Variants in GPC4 observed in about 807,000 individuals in gnomAD.
GPC4 encodes the protein glypican-4.
Under a neutral mutation model 35.0 loss-of-function variants are expected in GPC4, and 10 were observed. The ratio of observed to expected loss-of-function variants is 0.29; its 90% CI spans 0.18 to 0.48. The LOEUF is 0.48. Ranked by LOEUF, GPC4 falls within the 20% of genes least tolerant of loss-of-function variation. The probability of loss-of-function intolerance (pLI) is 0.99; values close to 1 mark genes in which losing one functional copy is unlikely to be tolerated. For missense variants in GPC4, 322 were observed against 451.3 expected (o/e 0.71, Z 2.60); for synonymous variants, 167 against 170.2 (o/e 0.98, Z 0.15).
At chrX:133,386,946 A>G (rs1233993653) in intron 1 of GPC4, among the ~76,000 whole-genome samples, 1 of 111,670 alleles carries the variant, frequency 9.0e-6, no homozygotes, top group African/African-American at 3.3e-5. Context: ...CCAGAAGCCC[A>G]TAGTCCCTCC....
chrX:133,387,085 C>T (rs1603091844), intron 1 of GPC4, among the ~76,000 whole-genome samples: 1 of 112,044 alleles, frequency 8.9e-6, no homozygotes, highest in Admixed American at 9.5e-5. Flanking sequence ...CCTGTGCTGA[C>T]ATGGGATTCA....
intron 1 of GPC4, among the ~76,000 whole-genome samples, chrX:133,344,191 G>GTTTTTTTTTTTTTTTTTTTTTTTTTT (rs747976050): frequency 7.7e-5 from 3 of 38,891 alleles, no homozygotes; most frequent in African/African-American, 1.5e-4. Flanking sequence ...TTTCTTTCTG[G>GTTTTTTTTTTTTTTTTTTTTTTTTTT]TTTTTTTTTT....
intron 7 of GPC4, 131 bp from the exon 8 acceptor site, chrX:133,303,472 C>T (rs928072691): frequency 1.8e-5 from 9 of 499,895 alleles, no homozygotes; most frequent in East Asian, 1.1e-4. Context: ...AATACTTCTG[C>T]TAGATTCTAG....
intron 1 of GPC4, among the ~76,000 whole-genome samples, chrX:133,389,147 C>T (rs1357854900): frequency 9.2e-6 from 1 of 109,138 alleles, no homozygotes; most frequent in African/African-American, 3.4e-5. Context: ...TCAGTAGAGA[C>T]AGGGTTTCAT....
In GPC4 at chrX:133,324,549, CCAAAAA is replaced by C; in HGVS notation, c.320-19_320-14del. The C allele has an allele frequency of 1.3e-6, 1 of 794,752 alleles. No homozygotes were observed. Among genetic ancestry groups the C allele is most frequent in the Non-Finnish European group, 1.6e-6 (1 of 640,293 alleles). The allele number at this position is 794,752 out of a possible 1,213,427, so 65.5% of individuals were successfully genotyped here. On this transcript the variant is annotated splice_polypyrimidine_tract_variant and intron_variant, in intron 2 of 8. Transcript: ENST00000370828. ...TCTTTGAAGAATTCTGAAACCAACA[CCAAAAA>C]AAAAAAAAAAAAAAGGAAAAACGAG... is the stretch of plus-strand genomic sequence containing the variant.
chrX:133,403,182 A>G (rs2068773683), intron 1 of GPC4, among the ~76,000 whole-genome samples: 1 of 112,034 alleles, frequency 8.9e-6, no homozygotes, highest in Non-Finnish European at 1.9e-5. Flanking sequence ...TAAATGAGAT[A>G]GCTTAAAATA....
At chrX:133,361,878 C>CA (rs1196742027) in intron 1 of GPC4, among the ~76,000 whole-genome samples, 2 of 110,906 alleles carry the variant, frequency 1.8e-5, no homozygotes, top group African/African-American at 3.3e-5. Context: ...AAAAAAACTC[C>CA]AAAACAAATT....
intron 2 of GPC4, among the ~76,000 whole-genome samples, chrX:133,336,192 C>T (rs1021030272): frequency 9.0e-6 from 1 of 111,663 alleles, no homozygotes; most frequent in South Asian, 3.8e-4. Flanking sequence ...GCCCTTGGAT[C>T]GGCAGGCATT....
chrX:133,403,111 T>C (rs1027411070), intron 1 of GPC4, among the ~76,000 whole-genome samples: 1 of 111,216 alleles, frequency 9.0e-6, no homozygotes, highest in Non-Finnish European at 1.9e-5. Flanking sequence ...TAAAAAAACA[T>C]GTTTTCCTTT....
chrX:133,326,345 G>A lies in GPC4; in HGVS notation c.320-1809C>T, dbSNP rs72614201. Among the ~76,000 whole-genome samples, 232 of 111,846 alleles carry A rather than the reference G, an allele frequency of 2.1e-3. 4 individuals carry two copies. The East Asian group carries it at 0.061, about 29-fold the overall frequency. ...TGAGTGGTTCTCAAAGTGTGGGCCT[G>A]GGACCAGCAGGATCAGCATCACTTG... On this transcript the variant is annotated intron_variant, in intron 2 of 8. Transcript: ENST00000370828.
intron 1 of GPC4, among the ~76,000 whole-genome samples, chrX:133,379,822 C>T (rs952409100): frequency 2.5e-4 from 28 of 111,644 alleles, no homozygotes; most frequent in African/African-American, 7.8e-4. Context: ...CCACTGCCCT[C>T]GCTCTCTAGG....
In GPC4 at chrX:133,348,236, T is replaced by C. The variant is rs1358148875; in HGVS notation, c.161-8895A>G. 4.5e-5 allele frequency among the ~76,000 whole-genome samples: 5 copies of C among 112,321 alleles called. No homozygotes were observed. The East Asian group carries it at 1.4e-3, about 31-fold the overall frequency. ...GACAATCTTAGATCCCCATTTTAAC[T>C]ATACCAAAGGTTTATTAAGGCACAC... is the stretch of plus-strand genomic sequence containing the variant. On this transcript the variant is annotated intron_variant, in intron 1 of 8. Transcript: ENST00000370828.
At chrX:133,376,207 G>A (rs1051797687) in intron 1 of GPC4, among the ~76,000 whole-genome samples, 4 of 112,462 alleles carry the variant, frequency 3.6e-5, no homozygotes, top group South Asian at 3.7e-4. Context: ...GCCAGCAGCC[G>A]TGCAGCTAAT....
At chrX:133,372,205 G>A (rs1449213456) in intron 1 of GPC4, among the ~76,000 whole-genome samples, 8 of 93,789 alleles carry the variant, frequency 8.5e-5, no homozygotes, top group Non-Finnish European at 1.4e-4. Context: ...CAGCCTGGGC[G>A]ACACAGCGAC....
chrX:133,311,072 G>A (rs920451394), intron 4 of GPC4, among the ~76,000 whole-genome samples, 186 bp downstream of exon 4: 2 of 112,378 alleles, frequency 1.8e-5, no homozygotes, highest in Non-Finnish European at 3.8e-5. Context: ...CCATTAGTTT[G>A]AGGGAACATT....
chrX:133,339,292 C>T lies in GPC4; in HGVS notation c.210G>A (p.Glu70=). 8.3e-7 allele frequency: 1 copy of T among 1,211,162 alleles called. No homozygotes were observed. The highest frequency in any genetic ancestry group is 1.1e-6 in the Non-Finnish European group (1 of 894,885). The change falls in exon 2 of 9, where the codon GAG becomes GAA. Residue 70 remains glutamate, a synonymous_variant. Transcript: ENST00000370828. ...CPQGSTCCSQ[E]MEEKYSLQSK... is the part of the protein sequence containing the mutation. ...TTTGCAGGCTGTACTTCTCCTCCAT[C>T]TCTTGAGAGCAGCAGGTAGAACCCT...
In GPC4 at chrX:133,377,972, G is replaced by A. The variant is rs200749620; in HGVS notation, c.160+36834C>T. On this transcript the variant is annotated intron_variant, in intron 1 of 8. Transcript: ENST00000370828. ...TGCAGTGGTGTGACCATGGCTCACC[G>A]CAGCTTTAACCTCCCGGGTTCACGC... Among the ~76,000 whole-genome samples, 25 of 94,677 alleles carry A rather than the reference G, an allele frequency of 2.6e-4. No individual in the cohort carries two copies. The East Asian group carries it at 8.4e-3, about 32-fold the overall frequency. The allele number at this position is 94,677 out of a possible 115,157, so 82.2% of individuals were successfully genotyped here. A position where few individuals can be genotyped will look rare whatever the true frequency, so the allele number is the denominator to read the frequency against.
chrX:133,315,702 A>G (rs1401569751), intron 3 of GPC4, among the ~76,000 whole-genome samples: 1 of 111,607 alleles, frequency 9.0e-6, no homozygotes, highest in Non-Finnish European at 1.9e-5. Context: ...TTATGTATTT[A>G]TTCTCCATGG....
intron 4 of GPC4, among the ~76,000 whole-genome samples, chrX:133,308,349 T>C (rs917665742): frequency 8.9e-6 from 1 of 112,060 alleles, no homozygotes; most frequent in Non-Finnish European, 1.9e-5. Context: ...GCGACATTAA[T>C]AGGGTTGGCC....
Sources: allele counts gnomAD v4.1 joint callset (sites outside exome capture counted in the v4.1 genomes callset), GRCh38; gene constraint gnomAD v4.1.1; transcripts MANE v1.5; gene names NCBI Gene and HGNC (gene_info 2026-07-23, HGNC 2026-07-21).